SLC71A2: variants seen among roughly 807,000 people sequenced by gnomAD.
SLC71A2 encodes hippocampus abundant transcript-like 1.
chr9:94,374,985 A>G, the SLC71A2 span: 1 of 1,182,098 alleles, frequency 8.5e-7, no homozygotes, highest in Non-Finnish European at 1.1e-6. Flanking sequence ...GTGGGGTCGC[A>G]CCCAGGGCCC....
chr9:94,447,459 C>T, the SLC71A2 span, among the ~76,000 whole-genome samples: 1 of 148,356 alleles, frequency 6.7e-6, no homozygotes, highest in South Asian at 2.1e-4. Context: ...GGATTACAGG[C>T]GTGAGCCACT....
At chr9:94,375,243 C>T in the SLC71A2 span, among the ~76,000 whole-genome samples, 2 of 151,870 alleles carry the variant, frequency 1.3e-5, no homozygotes, top group East Asian at 3.8e-4. Context: ...CGCAGTTTCT[C>T]TCCAAGTCTA....
chr9:94,435,790 G>C, the SLC71A2 span, among the ~76,000 whole-genome samples: 19 of 151,802 alleles, frequency 1.3e-4, no homozygotes, highest in African/African-American at 4.1e-4. Context: ...GAGTAGCTGG[G>C]ATTAGAGGTG....
chr9:94,443,486 G>T, the SLC71A2 span, among the ~76,000 whole-genome samples: 2 of 152,152 alleles, frequency 1.3e-5, no homozygotes, highest in African/African-American at 4.8e-5. Flanking sequence ...CAAGAAAGTG[G>T]TAATTCTTTC....
the SLC71A2 span, among the ~76,000 whole-genome samples, chr9:94,403,064 A>G: frequency 3.3e-5 from 5 of 152,150 alleles, no homozygotes; most frequent in African/African-American, 1.2e-4. Flanking sequence ...CTTACTGTCT[A>G]TGAATTTAAT....
At chr9:94,414,446 C>T in the SLC71A2 span, among the ~76,000 whole-genome samples, 47,902 of 151,990 alleles carry the variant, frequency 0.32, 7,824 homozygotes, top group Admixed American at 0.45. Flanking sequence ...GTCATCCGAG[C>T]TGCCCCTCAG....
chr9:94,411,564 T>G, the SLC71A2 span, among the ~76,000 whole-genome samples: 1 of 151,808 alleles, frequency 6.6e-6, no homozygotes, highest in Non-Finnish European at 1.5e-5. Context: ...GATTCTAAGT[T>G]AATTATTCCT....
At chr9:94,425,426 GA>G in the SLC71A2 span, among the ~76,000 whole-genome samples, 3 of 152,136 alleles carry the variant, frequency 2.0e-5, no homozygotes, top group Non-Finnish European at 4.4e-5. Context: ...AAAATATATG[GA>G]GACATAAAAA....
At chr9:94,417,629 AAAAC>A in the SLC71A2 span, among the ~76,000 whole-genome samples, 23 of 152,242 alleles carry the variant, frequency 1.5e-4, no homozygotes, top group African/African-American at 3.1e-4. Flanking sequence ...CTCTTTCTCA[AAAAC>A]AAACAAACAA....
chr9:94,451,570 C>A, the SLC71A2 span: 1 of 1,030,706 alleles, frequency 9.7e-7, no homozygotes, highest in Non-Finnish European at 1.4e-6. Context: ...TAAAAAATAT[C>A]CTGATAACCA....
the SLC71A2 span, among the ~76,000 whole-genome samples, chr9:94,401,191 A>C: frequency 6.6e-6 from 1 of 151,898 alleles, no homozygotes; most frequent in Admixed American, 6.6e-5. Flanking sequence ...TTGTTTTTGA[A>C]ACGGAGTCTC....
chr9:94,425,888 T>C, the SLC71A2 span, among the ~76,000 whole-genome samples: 7 of 152,086 alleles, frequency 4.6e-5, no homozygotes, highest in African/African-American at 1.7e-4. Context: ...AGAAGTAAGA[T>C]GGAGTCGGTT....
At chr9:94,459,246 A>G in the SLC71A2 span, 11 of 1,614,120 alleles carry the variant, frequency 6.8e-6, no homozygotes, top group Non-Finnish European at 9.3e-6. Flanking sequence ...ATTCCTGAAT[A>G]CAGTAAAGCC....
At chr9:94,439,777 A>G in the SLC71A2 span, among the ~76,000 whole-genome samples, 5 of 151,946 alleles carry the variant, frequency 3.3e-5, no homozygotes, top group Non-Finnish European at 5.9e-5. Flanking sequence ...TAGATCTTAT[A>G]CATTTCTTAA....
the SLC71A2 span, among the ~76,000 whole-genome samples, chr9:94,375,394 G>T: frequency 6.6e-6 from 1 of 151,614 alleles, no homozygotes; most frequent in African/African-American, 2.4e-5. Flanking sequence ...AGAGTTTCCA[G>T]GGGCGTTGCT....
At chr9:94,460,910 G>A in the SLC71A2 span, 1 of 149,824 alleles carries the variant, frequency 6.7e-6, no homozygotes, top group Non-Finnish European at 1.5e-5. Flanking sequence ...AATTTACAGT[G>A]GTTACTTTTA....
At chr9:94,396,934 C>G in the SLC71A2 span, among the ~76,000 whole-genome samples, 2 of 152,116 alleles carry the variant, frequency 1.3e-5, no homozygotes, top group African/African-American at 4.8e-5. Flanking sequence ...CCACACCCAG[C>G]TAATTTTGTA....
chr9:94,454,020 G>A, the SLC71A2 span: 1 of 1,614,084 alleles, frequency 6.2e-7, no homozygotes, highest in African/African-American at 1.3e-5. Flanking sequence ...TCCTTGGCTT[G>A]GGCTTCCAGA....
At chr9:94,445,742 C>G in the SLC71A2 span, among the ~76,000 whole-genome samples, 3 of 152,048 alleles carry the variant, frequency 2.0e-5, no homozygotes, top group Admixed American at 1.3e-4. Flanking sequence ...TTCTCTCTAC[C>G]CTACCTGGTT....
Sources: allele counts gnomAD v4.1 joint callset (sites outside exome capture counted in the v4.1 genomes callset), GRCh38; gene constraint gnomAD v4.1.1; transcripts MANE v1.5; gene names NCBI Gene and HGNC (gene_info 2026-07-23, HGNC 2026-07-21).